GRID2: variants seen among roughly 807,000 people sequenced by gnomAD.
The protein encoded by GRID2 is glutamate receptor ionotropic, delta-2.
In GRID2, 33 loss-of-function variants were observed where a neutral mutation model predicts 114.8. The observed-to-expected ratio is 0.29, with a 90% CI of 0.22 to 0.38. The LOEUF (loss-of-function observed/expected upper bound fraction) is 0.38, where lower values mean the gene tolerates loss of function less well. Among genes scored for constraint, GRID2 ranks in the 10% least tolerant of loss-of-function variants. The probability of loss-of-function intolerance (pLI) is 1.00; values close to 1 mark genes in which losing one functional copy is unlikely to be tolerated. For missense variants in GRID2, 1,184 were observed against 1,257.7 expected (o/e 0.94, Z 0.89); for synonymous variants, 505 against 449.9 (o/e 1.12, Z -1.55).
intron 4 of GRID2, among the ~76,000 whole-genome samples, chr4:93,155,959 TA>T (rs1737144900): frequency 6.6e-6 from 1 of 151,540 alleles, no homozygotes; most frequent in African/African-American, 2.4e-5. Context: ...TTTAAAAATC[TA>T]AAAGAGTAGA....
At chr4:92,816,125 A>C (rs1457206128) in intron 2 of GRID2, among the ~76,000 whole-genome samples, 1 of 151,134 alleles carries the variant, frequency 6.6e-6, no homozygotes, top group Non-Finnish European at 1.5e-5. Context: ...AGATCAGCCT[A>C]GGCAACATGG....
intron 1 of GRID2, among the ~76,000 whole-genome samples, chr4:92,525,041 T>G (rs1205240717): frequency 6.6e-6 from 1 of 151,838 alleles, no homozygotes; most frequent in African/African-American, 2.4e-5. Context: ...TTTTTTATAC[T>G]CTCTCAGTAT....
intron 1 of GRID2, among the ~76,000 whole-genome samples, chr4:92,326,920 C>A (rs182781420): frequency 1.1e-3 from 164 of 151,958 alleles, no homozygotes; most frequent in Non-Finnish European, 1.9e-3. Context: ...CTTTTTTCCT[C>A]AGGTAGTCCC....
chr4:93,611,849 A>G (rs147879742), intron 13 of GRID2, among the ~76,000 whole-genome samples: 9,359 of 151,768 alleles, frequency 0.062, 497 homozygotes, highest in African/African-American at 0.14. Context: ...TGCAGAGCTG[A>G]GTTCAATTCC....
chr4:92,832,428 C>A (rs1221104879), intron 2 of GRID2, among the ~76,000 whole-genome samples: 1 of 152,020 alleles, frequency 6.6e-6, no homozygotes, highest in Non-Finnish European at 1.5e-5. Context: ...GAGTTTCATT[C>A]TGTCACCCAG....
chr4:92,492,582 C>A (rs982501484), intron 1 of GRID2, among the ~76,000 whole-genome samples: 9 of 151,992 alleles, frequency 5.9e-5, no homozygotes, highest in African/African-American at 1.9e-4. Flanking sequence ...ATCTACAAAG[C>A]CTTTATGTAG....
At chr4:92,752,046 C>A (rs1236323622) in intron 2 of GRID2, among the ~76,000 whole-genome samples, 1 of 152,110 alleles carries the variant, frequency 6.6e-6, no homozygotes, top group Admixed American at 6.5e-5. Flanking sequence ...TGAAACACAC[C>A]CACGAAGCTA....
chr4:92,997,528 T>C (rs1755277081), intron 2 of GRID2, among the ~76,000 whole-genome samples: 1 of 152,132 alleles, frequency 6.6e-6, no homozygotes, highest in Non-Finnish European at 1.5e-5. Flanking sequence ...AAACAGTTTC[T>C]TGGAAGAAAT....
intron 2 of GRID2, among the ~76,000 whole-genome samples, chr4:92,943,704 G>T (rs531711407): frequency 1.3e-5 from 2 of 152,182 alleles, no homozygotes; most frequent in African/African-American, 4.8e-5. Context: ...CCCCATCTTT[G>T]TGGTTTTGTC....
intron 8 of GRID2, among the ~76,000 whole-genome samples, chr4:93,270,225 C>T (rs1016617456): frequency 1.4e-3 from 165 of 121,440 alleles, no homozygotes; most frequent in African/African-American, 6.9e-3. Context: ...TACACACACA[C>T]ACACACACAC....
intron 2 of GRID2, among the ~76,000 whole-genome samples, chr4:92,989,276 CAAAAAAA>C (rs1182397768): frequency 0.01 from 755 of 74,264 alleles, 4 homozygotes; most frequent in African/African-American, 0.036. Flanking sequence ...GACTCCATCT[CAAAAAAA>C]AAAAAAAAAA....
chr4:93,600,387 T>C (rs1238649829), intron 13 of GRID2, among the ~76,000 whole-genome samples: 3 of 151,738 alleles, frequency 2.0e-5, no homozygotes, highest in African/African-American at 7.3e-5. Context: ...AGACAAATAG[T>C]ATAATAAAAA....
intron 3 of GRID2, among the ~76,000 whole-genome samples, chr4:93,102,574 T>C (rs1316061597): frequency 3.3e-5 from 5 of 151,836 alleles, no homozygotes; most frequent in Non-Finnish European, 7.4e-5. Context: ...CCAGAGGACA[T>C]GGAGAGTTCG....
At chr4:93,208,339 G>A (rs559630144) in intron 5 of GRID2, among the ~76,000 whole-genome samples, 2 of 151,982 alleles carry the variant, frequency 1.3e-5, no homozygotes, top group East Asian at 1.9e-4. Flanking sequence ...TCAGCTTCCT[G>A]TGCCTCAGTT....
chr4:92,974,562 T>G (rs1753731329), intron 2 of GRID2, among the ~76,000 whole-genome samples: 1 of 152,014 alleles, frequency 6.6e-6, no homozygotes, highest in African/African-American at 2.4e-5. Flanking sequence ...CTGGAAACCA[T>G]CATTCTCAGC....
chr4:92,475,225 C>T (rs1240357769), intron 1 of GRID2, among the ~76,000 whole-genome samples: 1 of 151,260 alleles, frequency 6.6e-6, no homozygotes, highest in Non-Finnish European at 1.5e-5. Context: ...TTTTTGGAGT[C>T]ATGTCCAAAA....
At chr4:93,413,226 G>A (rs1238608748) in intron 9 of GRID2, among the ~76,000 whole-genome samples, 15 of 152,126 alleles carry the variant, frequency 9.9e-5, no homozygotes, top group African/African-American at 2.4e-4. Flanking sequence ...GTGTAAAAGC[G>A]TTCCTATTTC....
chr4:93,698,304 T>A (rs1727221724), intron 14 of GRID2, among the ~76,000 whole-genome samples: 1 of 152,034 alleles, frequency 6.6e-6, no homozygotes, highest in Non-Finnish European at 1.5e-5. Flanking sequence ...TGTACAAGTT[T>A]AACTGCTGTA....
chr4:92,636,470 C>G (rs1286302010), intron 2 of GRID2, among the ~76,000 whole-genome samples: 1 of 152,054 alleles, frequency 6.6e-6, no homozygotes, highest in African/African-American at 2.4e-5. Flanking sequence ...TAAAAAAGTT[C>G]CAATATTTTT....
Sources: gnomAD v4.1 joint callset for allele counts (sites outside exome capture counted in the v4.1 genomes callset) on GRCh38, gnomAD v4.1.1 for gene constraint, MANE v1.5 for transcripts, NCBI Gene and HGNC (gene_info 2026-07-23, HGNC 2026-07-21) for gene names.